COL24A1: variants seen among roughly 807,000 people sequenced by gnomAD.
COL24A1 encodes collagen alpha-1(XXIV) chain.
COL24A1 carries 224 observed loss-of-function variants against 253.9 expected under a neutral mutation model. The ratio of observed to expected loss-of-function variants is 0.88; its 90% confidence interval spans 0.79 to 0.99. The LOEUF (loss-of-function observed/expected upper bound fraction) is 0.99. COL24A1 is among the 50% of genes least tolerant of loss of function. COL24A1 has a pLI of 0.00. For missense variants in COL24A1, 2,131 were observed against 2,068.5 expected, an observed-to-expected ratio of 1.03 and a Z score of -0.59; for synonymous variants, 685 against 673.7, an observed-to-expected ratio of 1.02 and a Z score of -0.26.
At chr1:86,065,262 G>A (rs559295701) in intron 7 of COL24A1, among the ~76,000 whole-genome samples, 1 of 152,234 alleles carries the variant, frequency 6.6e-6, no homozygotes, top group East Asian at 1.9e-4. Context: ...CTTGAGCCTA[G>A]CTACATGCTT....
chr1:85,933,984 G>A (rs1032358780), intron 24 of COL24A1, among the ~76,000 whole-genome samples: 1 of 152,150 alleles, frequency 6.6e-6, no homozygotes, highest in Non-Finnish European at 1.5e-5. Context: ...ATTCAAAGGT[G>A]GCTTAAATGG....
chr1:85,943,253 G>A (rs1688926299), intron 24 of COL24A1, among the ~76,000 whole-genome samples: 1 of 152,168 alleles, frequency 6.6e-6, no homozygotes, highest in Non-Finnish European at 1.5e-5. Flanking sequence ...GGCTTCCATG[G>A]TCCTGAGGCC....
intron 47 of COL24A1, among the ~76,000 whole-genome samples, chr1:85,808,678 T>C (rs570763286): frequency 6.6e-6 from 1 of 152,302 alleles, no homozygotes; most frequent in Admixed American, 6.5e-5. Flanking sequence ...ACCCTAAAGG[T>C]GTACCAGAGG....
chr1:85,737,752 T>C (rs1557936874), intron 57 of COL24A1, among the ~76,000 whole-genome samples: 1 of 151,984 alleles, frequency 6.6e-6, no homozygotes, highest in Non-Finnish European at 1.5e-5. Context: ...TCAGTAGAGA[T>C]GGGATTTCAC....
At position 85,737,532 on chromosome 1, in the gene COL24A1, T is replaced by C. The variant is rs768632246; in HGVS notation, c.4673-27A>G. On this transcript the variant is annotated intron_variant, in intron 57 of 59. Transcript: ENST00000370571. ...TAATAATTTATAGTAAAACATAAAGTTAAAGTTATTAAATGCCATAATCCT... is the reference window on the plus strand; with the variant it reads ...TAATAATTTATAGTAAAACATAAAGCTAAAGTTATTAAATGCCATAATCCT... 2.8e-6 allele frequency: 4 copies of C among 1,420,464 alleles called. No homozygotes were observed. The South Asian group carries it at 3.8e-5, about 13-fold the overall frequency. 88.0% of individuals were successfully genotyped at this position (1,420,464 alleles called of 1,614,324 possible).
At chr1:85,803,017 G>C (rs1671595056) in intron 47 of COL24A1, among the ~76,000 whole-genome samples, 1 of 152,160 alleles carries the variant, frequency 6.6e-6, no homozygotes, top group Non-Finnish European at 1.5e-5. Context: ...AAAGAAAGCT[G>C]CTATGGCCAT....
chr1:85,834,298 G>GAC (rs1675747734), intron 43 of COL24A1, among the ~76,000 whole-genome samples: 1 of 151,860 alleles, frequency 6.6e-6, no homozygotes, highest in African/African-American at 2.4e-5. Context: ...GAGTGAGAGA[G>GAC]AGAGATTGAG....
intron 18 of COL24A1, among the ~76,000 whole-genome samples, chr1:86,018,639 G>C (rs1697213132): frequency 6.6e-6 from 1 of 152,130 alleles, no homozygotes; most frequent in South Asian, 2.1e-4. Context: ...TTGATCTTCA[G>C]AATAATTCTT....
At chr1:85,853,975 T>C (rs1678115744) in intron 37 of COL24A1, among the ~76,000 whole-genome samples, 1 of 152,124 alleles carries the variant, frequency 6.6e-6, no homozygotes, top group Admixed American at 6.5e-5. Flanking sequence ...TTAATTAGGT[T>C]CATTTGTCAA....
At chr1:86,000,442 C>T (rs12040981) in intron 19 of COL24A1, among the ~76,000 whole-genome samples, 56,523 of 152,014 alleles carry the variant, frequency 0.37, 10,995 homozygotes, top group East Asian at 0.58. Flanking sequence ...TTTAATCACA[C>T]GTGCTCTTTC....
intron 3 of COL24A1, among the ~76,000 whole-genome samples, chr1:86,116,408 TAA>T (rs1477722331): frequency 6.6e-6 from 1 of 152,194 alleles, no homozygotes; most frequent in Non-Finnish European, 1.5e-5. Flanking sequence ...GCACATAAAA[TAA>T]AGAGATGAAT....
At chr1:86,116,329 T>A (rs1706132863) in intron 3 of COL24A1, among the ~76,000 whole-genome samples, 1 of 152,184 alleles carries the variant, frequency 6.6e-6, no homozygotes, top group Admixed American at 6.5e-5. Flanking sequence ...GCCTCACCAG[T>A]AACAAGCACT....
chr1:86,075,068 C>T (rs376318622), intron 7 of COL24A1, among the ~76,000 whole-genome samples: 3 of 151,244 alleles, frequency 2.0e-5, no homozygotes, highest in South Asian at 2.1e-4. Flanking sequence ...GATAGAGACA[C>T]GAAAAACTCT....
At chr1:86,103,268 G>A (rs948495749) in intron 5 of COL24A1, among the ~76,000 whole-genome samples, 2 of 152,062 alleles carry the variant, frequency 1.3e-5, no homozygotes, top group African/African-American at 4.8e-5. Context: ...TTGAGCCTAT[G>A]TGTGTTACTG....
intron 19 of COL24A1, 37 bp downstream of exon 19, chr1:86,017,114 T>G: frequency 6.4e-7 from 1 of 1,555,652 alleles, no homozygotes; most frequent in South Asian, 1.2e-5. Context: ...TTCCACCATT[T>G]TGTTTCAAAT....
chr1:85,838,679 A>C (rs1288357944), intron 42 of COL24A1, 41 bp from the exon 43 acceptor site: 1 of 1,574,776 alleles, frequency 6.4e-7, no homozygotes, highest in Non-Finnish European at 8.7e-7. Flanking sequence ...TTACAGCTGG[A>C]TCAAAGTATA....
At chr1:85,952,581 T>C (rs1690038646) in intron 24 of COL24A1, among the ~76,000 whole-genome samples, 1 of 152,220 alleles carries the variant, frequency 6.6e-6, no homozygotes, top group Non-Finnish European at 1.5e-5. Flanking sequence ...TAACAAAATC[T>C]TGTACATCTC....
chr1:86,019,797 G>A (rs1258820076), intron 18 of COL24A1, among the ~76,000 whole-genome samples: 1 of 152,008 alleles, frequency 6.6e-6, no homozygotes, highest in Non-Finnish European at 1.5e-5. Context: ...TGTAAAATGA[G>A]TAAGTAAAAG....
intron 35 of COL24A1, among the ~76,000 whole-genome samples, chr1:85,873,841 C>T (rs1199743186): frequency 7.5e-6 from 1 of 133,104 alleles, no homozygotes; most frequent in Non-Finnish European, 1.7e-5. Context: ...AAAAAAAAGA[C>T]TAAGGCTCCG....
Sources: gnomAD v4.1 joint callset for allele counts (sites outside exome capture counted in the v4.1 genomes callset) on GRCh38, gnomAD v4.1.1 for gene constraint, MANE v1.5 for transcripts, NCBI Gene and HGNC (gene_info 2026-07-23, HGNC 2026-07-21) for gene names.